Variants in MDGA2 observed in about 807,000 individuals in gnomAD.
The protein encoded by MDGA2 is MAM domain containing glycosylphosphatidylinositol anchor 2, also known as MAM domain-containing glycosylphosphatidylinositol anchor protein 2.
A neutral mutation model predicts 117.8 loss-of-function variants in MDGA2; 40 were observed. The observed-to-expected ratio is 0.34, with a 90% CI of 0.26 to 0.44. The LOEUF (loss-of-function observed/expected upper bound fraction) is 0.44. Among genes scored for constraint, MDGA2 ranks in the 20% least tolerant of loss-of-function variants. The pLI, the probability that MDGA2 is intolerant of heterozygous loss-of-function variation, is 1.00. For missense variants in MDGA2, 1,123 were observed against 1,250.6 expected, an observed-to-expected ratio of 0.90 and a Z score of 1.54; for synonymous variants, 452 against 439.0, an observed-to-expected ratio of 1.03 and a Z score of -0.37.
intron 8 of MDGA2, among the ~76,000 whole-genome samples, chr14:46,960,869 A>G (rs1178142623): frequency 7.1e-6 from 1 of 141,364 alleles, no homozygotes; most frequent in Non-Finnish European, 1.5e-5. Flanking sequence ...TATTTTATAT[A>G]TACACATGTT....
At chr14:47,107,267 G>A (rs531955831) in intron 5 of MDGA2, among the ~76,000 whole-genome samples, 189 of 151,678 alleles carry the variant, frequency 1.2e-3, no homozygotes, top group African/African-American at 3.2e-3. Flanking sequence ...TCTCCTTACA[G>A]TTCCCCCATT....
At chr14:47,671,798 A>T (rs1441301603) in intron 1 of MDGA2, among the ~76,000 whole-genome samples, 1 of 152,198 alleles carries the variant, frequency 6.6e-6, no homozygotes, top group Non-Finnish European at 1.5e-5. Context: ...CTTTACACTA[A>T]ATCTTATGTC....
chr14:46,899,832 G>T (rs79187942), intron 10 of MDGA2, among the ~76,000 whole-genome samples: 3,824 of 152,090 alleles, frequency 0.025, 163 homozygotes, highest in African/African-American at 0.087. Flanking sequence ...TAGATCTAAC[G>T]TAAGAGGTTT....
In MDGA2 at chr14:46,856,305, A is replaced by G. The variant is rs182633516; in HGVS notation, c.2753-1151T>C. Among the ~76,000 whole-genome samples, 340 of 149,012 alleles carry G rather than the reference A, an allele frequency of 2.3e-3. 1 individual carries two copies. Among genetic ancestry groups the G allele is most frequent in the African/African-American group, 7.9e-3 (324 of 41,192 alleles). ...CATGCAATAAAATTCATTCATTTCTATGTGTTCAGGCCAATAGTTTTAGAC... is the reference window on the plus strand; with the variant it reads ...CATGCAATAAAATTCATTCATTTCTGTGTGTTCAGGCCAATAGTTTTAGAC... On this transcript the variant is annotated intron_variant, in intron 14 of 16. Coordinates refer to ENST00000399232, the MANE Select transcript of MDGA2 (RefSeq NM_001113498.3).
intron 1 of MDGA2, among the ~76,000 whole-genome samples, chr14:47,352,234 C>G (rs1448087156): frequency 6.6e-6 from 1 of 152,134 alleles, no homozygotes; most frequent in Non-Finnish European, 1.5e-5. Context: ...TTTAGTCAAG[C>G]CCAAATTTCT....
intron 7 of MDGA2, among the ~76,000 whole-genome samples, chr14:47,044,635 CCTT>C (rs1178208676): frequency 1.3e-5 from 2 of 152,044 alleles, no homozygotes; most frequent in Non-Finnish European, 2.9e-5. Flanking sequence ...ATAAAAACTG[CCTT>C]TTTTCACACT....
At chr14:47,311,256 T>C (rs182336290) in intron 1 of MDGA2, among the ~76,000 whole-genome samples, 1 of 152,184 alleles carries the variant, frequency 6.6e-6, no homozygotes, top group Admixed American at 6.5e-5. Context: ...ACCTTAAGCA[T>C]AAATTGGGTA....
rs549918359 is a variant in MDGA2, at chr14:47,590,597, C to A, written c.280+83920G>T. Among the ~76,000 whole-genome samples the A allele has an allele frequency of 2.5e-4, 38 of 151,968 alleles. No individual in the cohort carries two copies. The South Asian group carries it at 7.2e-3, about 29-fold the overall frequency. On this transcript the variant is annotated intron_variant, in intron 1 of 16. Transcript: ENST00000399232. ...TTGTTTAAGTCAAGATATCTGATAG[C>A]ACTACAGGGTAACTACAGTCAACAA...
Position 47,359,308 on chromosome 14 carries a change from C to G in MDGA2, c.281-57758G>C, listed in dbSNP as rs562042966. On this transcript the variant is annotated intron_variant, in intron 1 of 16. Transcript: ENST00000399232. Reference sequence around the variant, plus strand: ...GGTGAAGGCTGCAGTGAACTGAGATCACACCACTGCACTCCAACCTGGTGA... The same window carrying G: ...GGTGAAGGCTGCAGTGAACTGAGATGACACCACTGCACTCCAACCTGGTGA... 1.4e-3 allele frequency among the ~76,000 whole-genome samples: 206 copies of G among 152,052 alleles called. 2 individuals are homozygous for G. The highest frequency in any genetic ancestry group is 4.4e-5 in the Non-Finnish European group (3 of 67,964).
rs534811704 is a variant in MDGA2, at chr14:47,627,397, G to A, written c.280+47120C>T. ...TGGTGGGGACTTGGAGAACCTTTAT[G>A]TCCAGCTAAGGGATTGTGAATGCAC... On this transcript the variant is annotated intron_variant, in intron 1 of 16. Transcript: ENST00000399232. Among the ~76,000 whole-genome samples, 26 of 151,590 alleles carry A rather than the reference G, an allele frequency of 1.7e-4. No individual in the cohort carries two copies. The East Asian group carries it at 4.5e-3, about 26-fold the overall frequency.
At chr14:47,343,209 G>T in intron 1 of MDGA2, 1 of 1,129,562 alleles carries the variant, frequency 8.9e-7, no homozygotes, top group Non-Finnish European at 1.1e-6. Flanking sequence ...AAGGAATGGT[G>T]ATTTTTTTTG....
chr14:47,603,559 A>C (rs548657965), intron 1 of MDGA2, among the ~76,000 whole-genome samples: 1 of 152,266 alleles, frequency 6.6e-6, no homozygotes, highest in African/African-American at 2.4e-5. Flanking sequence ...TTGTCCAATG[A>C]TTGAGCTAAA....
In MDGA2 at chr14:47,395,189, C is replaced by T. The variant is rs181937383; in HGVS notation, c.281-93639G>A. Among the ~76,000 whole-genome samples the T allele has an allele frequency of 8.6e-4, 104 of 120,562 alleles. 1 individual carries two copies. Among genetic ancestry groups the T allele is most frequent in the African/African-American group, 2.8e-3 (88 of 31,660 alleles). 79.1% of individuals were successfully genotyped at this position (120,562 alleles called of 152,430 possible). A position where few individuals can be genotyped will look rare whatever the true frequency, so the allele number is the denominator to read the frequency against. ...AGAAACAAAAAAACTATTTCTGATA[C>T]GCTTAGATTTTCAAATATTGCAACA... On this transcript the variant is annotated intron_variant, in intron 1 of 16. Transcript: ENST00000399232.
chr14:47,540,834 G>A (rs985695431), intron 1 of MDGA2, among the ~76,000 whole-genome samples: 1 of 151,894 alleles, frequency 6.6e-6, no homozygotes, highest in African/African-American at 2.4e-5. Context: ...CAAAGTGCAA[G>A]GATTACAGGT....
intron 16 of MDGA2, among the ~76,000 whole-genome samples, chr14:46,845,334 A>G (rs12897267): frequency 0.19 from 28,391 of 152,182 alleles, 3,310 homozygotes; most frequent in Non-Finnish European, 0.25. Flanking sequence ...AGTCAATTAA[A>G]TCTCTTTCTT....
chr14:47,231,848 C>T (rs889757593), intron 2 of MDGA2, among the ~76,000 whole-genome samples: 5 of 151,744 alleles, frequency 3.3e-5, no homozygotes, highest in South Asian at 2.1e-4. Context: ...CCACAAACAG[C>T]AGGGAAATGA....
chr14:47,573,524 T>C (rs571218541), intron 1 of MDGA2, among the ~76,000 whole-genome samples: 6 of 152,312 alleles, frequency 3.9e-5, no homozygotes, highest in South Asian at 2.1e-4. Context: ...TAGAGTCTAA[T>C]AGAAAACAAA....
chr14:47,185,326 G>A (rs914517063), intron 3 of MDGA2, among the ~76,000 whole-genome samples: 3 of 151,396 alleles, frequency 2.0e-5, no homozygotes, highest in East Asian at 1.9e-4. Flanking sequence ...ATGCCAGGTG[G>A]TGTTCTTTAA....
intron 16 of MDGA2, among the ~76,000 whole-genome samples, chr14:46,845,264 C>T (rs191250529): frequency 3.8e-4 from 58 of 152,274 alleles, no homozygotes; most frequent in Admixed American, 1.1e-3. Flanking sequence ...ACTCTGCTTC[C>T]CCTTCACCTT....
Sources: gnomAD v4.1 joint callset for allele counts (sites outside exome capture counted in the v4.1 genomes callset) on GRCh38, gnomAD v4.1.1 for gene constraint, MANE v1.5 for transcripts, NCBI Gene and HGNC (gene_info 2026-07-23, HGNC 2026-07-21) for gene names.